TAFA2: variants seen among roughly 807,000 people sequenced by gnomAD.
TAFA2 encodes the protein TAFA chemokine like family member 2, also known as chemokine-like protein TAFA-2.
In TAFA2, 7 loss-of-function variants were observed where a neutral mutation model predicts 18.8. That is an observed-to-expected ratio of 0.37 (90% CI 0.21 to 0.70). The LOEUF is 0.70. TAFA2 is among the 30% of genes least tolerant of loss of function. TAFA2 has a pLI of 0.53. For missense variants in TAFA2, 122 were observed against 158.1 expected (o/e 0.77, Z 1.23); for synonymous variants, 60 against 54.2 (o/e 1.11, Z -0.47).
chr12:61,931,759 T>C (rs1336060179), intron 1 of TAFA2, among the ~76,000 whole-genome samples: 1 of 152,192 alleles, frequency 6.6e-6, no homozygotes, highest in African/African-American at 2.4e-5. Context: ...TGGGCTTATA[T>C]AGCAACTTTA....
At chr12:61,888,499 AC>A (rs1875488507) in intron 1 of TAFA2, among the ~76,000 whole-genome samples, 1 of 152,230 alleles carries the variant, frequency 6.6e-6, no homozygotes, top group African/African-American at 2.4e-5. Flanking sequence ...GGAAGCAATC[AC>A]AGCCACATTC....
At chr12:62,042,343 C>G (rs1168299878) in intron 1 of TAFA2, among the ~76,000 whole-genome samples, 1 of 151,940 alleles carries the variant, frequency 6.6e-6, no homozygotes, top group Non-Finnish European at 1.5e-5. Flanking sequence ...TAATCCAGTT[C>G]AGGTGCTTGC....
chr12:62,064,758 A>G (rs889714221), intron 1 of TAFA2, among the ~76,000 whole-genome samples: 2 of 152,066 alleles, frequency 1.3e-5, no homozygotes, highest in African/African-American at 4.8e-5. Flanking sequence ...TTAGTTCACT[A>G]TGTATTAATC....
chr12:61,743,387 G>A (rs1868546924), intron 4 of TAFA2, among the ~76,000 whole-genome samples: 1 of 152,008 alleles, frequency 6.6e-6, no homozygotes, highest in Admixed American at 6.6e-5. Flanking sequence ...TGTATTCCTT[G>A]TAGTCACACA....
chr12:61,851,606 T>A (rs1251664731), intron 2 of TAFA2, among the ~76,000 whole-genome samples: 1 of 150,122 alleles, frequency 6.7e-6, no homozygotes, highest in Non-Finnish European at 1.5e-5. Flanking sequence ...GAAACCTGTC[T>A]CTACTAAATA....
intron 1 of TAFA2, among the ~76,000 whole-genome samples, chr12:61,884,490 C>G (rs183485855): frequency 6.6e-6 from 1 of 152,138 alleles, no homozygotes; most frequent in African/African-American, 2.4e-5. Flanking sequence ...TTTGTAGTCG[C>G]TCTTTTTTAG....
intron 1 of TAFA2, among the ~76,000 whole-genome samples, chr12:62,248,145 A>G (rs2062895674): frequency 6.6e-6 from 1 of 152,236 alleles, no homozygotes; most frequent in South Asian, 2.1e-4. Flanking sequence ...ACTGAATACC[A>G]GGTCACCACA....
chr12:62,199,681 A>G (rs930309539), intron 1 of TAFA2, among the ~76,000 whole-genome samples: 8 of 152,052 alleles, frequency 5.3e-5, no homozygotes, highest in African/African-American at 1.4e-4. Flanking sequence ...TGGATTCTAT[A>G]TCTTTGCTAT....
At chr12:62,135,786 T>C (rs1364360473) in intron 1 of TAFA2, 26 of 152,002 alleles carry the variant, frequency 1.7e-4, no homozygotes, top group Admixed American at 1.7e-3. Flanking sequence ...TTATGCAAAA[T>C]GTTATTAGGA....
intron 1 of TAFA2, among the ~76,000 whole-genome samples, chr12:62,184,512 TGAGGCA>T (rs2062572642): frequency 6.8e-6 from 1 of 147,074 alleles, no homozygotes; most frequent in Non-Finnish European, 1.5e-5. Flanking sequence ...CTTTTTTTTT[TGAGGCA>T]TAGTCTCACT....
At chr12:61,860,752 A>G (rs1366892521) in intron 2 of TAFA2, among the ~76,000 whole-genome samples, 1 of 152,076 alleles carries the variant, frequency 6.6e-6, no homozygotes, top group Non-Finnish European at 1.5e-5. Context: ...CTCAGCTCCA[A>G]TGTCTCCTCC....
rs187640164 is a variant in TAFA2 at position 62,040,528 on chromosome 12, C to T, written c.-2+150731G>A. The stretch of plus-strand genomic sequence containing the variant: ...AAGACACACAGGAAGAAGACAGTCA[C>T]GCAACTAGAAGCCAAGGAACCTCAA... On this transcript the variant is annotated intron_variant, in intron 1 of 4. Transcript: ENST00000416284. Among the ~76,000 whole-genome samples, 134 of 152,124 alleles carry T rather than the reference C, an allele frequency of 8.8e-4. 1 individual carries two copies. The South Asian group carries it at 0.015, about 17-fold the overall frequency.
intron 4 of TAFA2, among the ~76,000 whole-genome samples, chr12:61,727,915 A>G (rs1168275757): frequency 6.6e-6 from 1 of 151,658 alleles, no homozygotes; most frequent in Non-Finnish European, 1.5e-5. Flanking sequence ...TTGTGTCACT[A>G]TTATCATTCA....
In TAFA2 at chr12:62,149,349, T is replaced by G. The variant is rs192080617; in HGVS notation, c.-2+41910A>C. Among the ~76,000 whole-genome samples the G allele has an allele frequency of 1.0e-3, 153 of 152,170 alleles. 2 individuals are homozygous for G. In the East Asian group the frequency reaches 0.017, roughly 17 times the overall value. On this transcript the variant is annotated intron_variant, in intron 1 of 4. Transcript: ENST00000416284. ...TTTAAAATCTGTGCTCTGCAGAGCC[T>G]GGGGTTCCTCAGAGGTATCATAGGA...
At position 62,161,042 on chromosome 12, in the gene TAFA2, G is replaced by A. The variant is rs191334570; in HGVS notation, c.-2+30217C>T. 1.4e-3 allele frequency among the ~76,000 whole-genome samples: 207 copies of A among 152,162 alleles called. 1 individual carries two copies. Among genetic ancestry groups the A allele is most frequent in the Middle Eastern group, 3.4e-3 (1 of 294 alleles). ...ATGAATGTATGACAATTAAAGATACGGTACAAAAGTACTCAGTGAGCCTAC... is the reference window on the plus strand; with the variant it reads ...ATGAATGTATGACAATTAAAGATACAGTACAAAAGTACTCAGTGAGCCTAC... On this transcript the variant is annotated intron_variant, in intron 1 of 4. Coordinates refer to ENST00000416284, the MANE Select transcript of TAFA2 (RefSeq NM_178539.5).
In TAFA2 at chr12:62,063,177, C is replaced by CTAGT. The variant is rs529888503; in HGVS notation, c.-2+128078_-2+128081dup. On this transcript the variant is annotated intron_variant, in intron 1 of 4. Coordinates refer to ENST00000416284, the MANE Select transcript of TAFA2 (RefSeq NM_178539.5). ...CCGTTATTCCGCCTGCCACACAGCC[C>CTAGT]TAGTGACTTGACTCTATGGTGGTCC... Among the ~76,000 whole-genome samples the CTAGT allele has an allele frequency of 3.4e-3, 522 of 152,256 alleles. 1 individual carries two copies. Among genetic ancestry groups the CTAGT allele is most frequent in the Non-Finnish European group, 6.2e-3 (423 of 68,022 alleles).
intron 1 of TAFA2, among the ~76,000 whole-genome samples, chr12:62,148,309 G>C (rs2062302390): frequency 6.6e-6 from 1 of 152,146 alleles, no homozygotes; most frequent in Non-Finnish European, 1.5e-5. Context: ...GCCCATCAAT[G>C]GTGGGTTGGA....
intron 4 of TAFA2, among the ~76,000 whole-genome samples, chr12:61,743,296 G>A (rs2120710133): frequency 6.6e-6 from 1 of 152,128 alleles, no homozygotes; most frequent in East Asian, 2.0e-4. Context: ...ATCCTAAAAT[G>A]AGGAAATTAC....
intron 1 of TAFA2, among the ~76,000 whole-genome samples, chr12:62,037,791 TAA>T (rs1415530305): frequency 6.6e-6 from 1 of 152,164 alleles, no homozygotes; most frequent in African/African-American, 2.4e-5. Flanking sequence ...GGGATAAATA[TAA>T]GTCACAACAT....
Sources: allele counts gnomAD v4.1 joint callset (sites outside exome capture counted in the v4.1 genomes callset), GRCh38; gene constraint gnomAD v4.1.1; transcripts MANE v1.5; gene names NCBI Gene and HGNC (gene_info 2026-07-23, HGNC 2026-07-21).